TAFA4: variants seen among roughly 807,000 people sequenced by gnomAD.
TAFA4 encodes chemokine-like protein TAFA-4.
In TAFA4, 20 loss-of-function variants were observed where a neutral mutation model predicts 21.1. The observed-to-expected ratio is 0.95, with a 90% CI of 0.67 to 1.38. The LOEUF is 1.38. Ranked by LOEUF, TAFA4 falls within the 40% of genes most tolerant of loss-of-function variation. The probability of loss-of-function intolerance (pLI) is 0.00; values close to 1 mark genes in which losing one functional copy is unlikely to be tolerated. For missense variants in TAFA4, 211 were observed against 180.9 expected, an observed-to-expected ratio of 1.17 and a Z score of -0.95; for synonymous variants, 71 against 67.4, an observed-to-expected ratio of 1.05 and a Z score of -0.26.
chr3:68,739,194 T>A lies in TAFA4; in HGVS notation c.292A>T (p.Ile98Phe). 6.2e-7 allele frequency: 1 copy of A among 1,613,198 alleles called. No individual in the cohort carries two copies. Among genetic ancestry groups the A allele is most frequent in the Non-Finnish European group, 8.5e-7 (1 of 1,179,684 alleles). The change falls in exon 5 of 6, where the codon ATT becomes TTT. Residue 98 changes from isoleucine (I) to phenylalanine (F), a missense_variant. Physicochemically the swap from Ile to Phe is conservative, Grantham distance 21. Coordinates refer to ENST00000295569, the MANE Select transcript of TAFA4 (RefSeq NM_182522.5). The part of the protein sequence containing the change: ...RAQPSCVEAS[I>F]VIQKWWCHMN... ...TGACACCACCATTTCTGAATCACAA[T>A]GGAAGCTGGAAAACAAAGGCCAAAT...
intron 3 of TAFA4, among the ~76,000 whole-genome samples, chr3:68,851,763 T>C (rs1704956416): frequency 6.6e-6 from 1 of 152,012 alleles, no homozygotes; most frequent in Non-Finnish European, 1.5e-5. Flanking sequence ...CGGGAAAGAA[T>C]CAAAGGAAGA....
At chr3:68,811,038 C>T (rs533801522) in intron 3 of TAFA4, among the ~76,000 whole-genome samples, 8 of 152,304 alleles carry the variant, frequency 5.3e-5, no homozygotes, top group South Asian at 2.1e-4. Flanking sequence ...CTGCAGCCTC[C>T]GCTGCTGATA....
At chr3:68,877,956 T>C (rs2089571772) in intron 3 of TAFA4, among the ~76,000 whole-genome samples, 1 of 152,214 alleles carries the variant, frequency 6.6e-6, no homozygotes, top group African/African-American at 2.4e-5. Context: ...ATGGATATCA[T>C]TCCATTTTTA....
intron 3 of TAFA4, among the ~76,000 whole-genome samples, chr3:68,766,236 A>T (rs1351905205): frequency 2.6e-5 from 4 of 152,110 alleles, no homozygotes; most frequent in African/African-American, 9.7e-5. Flanking sequence ...TATATATGTG[A>T]GATCAAATAG....
chr3:68,736,865 G>C (rs139788673), intron 5 of TAFA4, among the ~76,000 whole-genome samples: 247 of 152,242 alleles, frequency 1.6e-3, no homozygotes, highest in African/African-American at 5.6e-3. Flanking sequence ...ATTCTCAAGT[G>C]ACATATCACT....
chr3:68,827,710 C>A (rs555353189), intron 3 of TAFA4, among the ~76,000 whole-genome samples: 1 of 152,138 alleles, frequency 6.6e-6, no homozygotes. Context: ...GTTCATATCC[C>A]TTGCCCACTT....
intron 4 of TAFA4, among the ~76,000 whole-genome samples, chr3:68,742,676 T>A (rs1344830618): frequency 1.2e-4 from 19 of 152,148 alleles, no homozygotes. Flanking sequence ...CTAAAGAACT[T>A]ACCCATGTAA....
At chr3:68,749,000 G>A (rs1194269865) in intron 4 of TAFA4, among the ~76,000 whole-genome samples, 2 of 152,156 alleles carry the variant, frequency 1.3e-5, no homozygotes, top group Non-Finnish European at 2.9e-5. Context: ...AAACAGACCT[G>A]TATATGCCAG....
intron 3 of TAFA4, among the ~76,000 whole-genome samples, chr3:68,795,100 G>A (rs1218705555): frequency 6.6e-6 from 1 of 151,228 alleles, no homozygotes; most frequent in African/African-American, 2.4e-5. Flanking sequence ...TTATATGCTT[G>A]TAAAATAAAG....
At chr3:68,875,809 C>T (rs4855533) in intron 3 of TAFA4, among the ~76,000 whole-genome samples, 104,545 of 151,914 alleles carry the variant, frequency 0.69, 36,550 homozygotes, top group East Asian at 0.98. Flanking sequence ...CAGAGAATAA[C>T]AGCATAAGCT....
intron 3 of TAFA4, among the ~76,000 whole-genome samples, chr3:68,813,757 T>C (rs1703896699): frequency 1.3e-5 from 2 of 152,138 alleles, no homozygotes; most frequent in Admixed American, 6.5e-5. Context: ...ACTGGTACCA[T>C]TCCTTCTGAA....
intron 3 of TAFA4, among the ~76,000 whole-genome samples, chr3:68,765,675 C>A (rs535073252): frequency 6.6e-6 from 1 of 152,084 alleles, no homozygotes; most frequent in Non-Finnish European, 1.5e-5. Flanking sequence ...TCCTAAGACC[C>A]CACTAAAACC....
intron 1 of TAFA4, among the ~76,000 whole-genome samples, chr3:68,901,961 A>C (rs548003424): frequency 1.3e-5 from 2 of 152,338 alleles, no homozygotes; most frequent in South Asian, 4.1e-4. Context: ...CAAATGAGGC[A>C]TGGTATAGTG....
intron 3 of TAFA4, among the ~76,000 whole-genome samples, chr3:68,779,228 G>A (rs905274750): frequency 6.6e-6 from 1 of 152,178 alleles, no homozygotes; most frequent in African/African-American, 2.4e-5. Context: ...TGACTTGGGT[G>A]TTCTTAAAGG....
intron 3 of TAFA4, among the ~76,000 whole-genome samples, chr3:68,856,033 A>G (rs1393126997): frequency 6.6e-6 from 1 of 152,070 alleles, no homozygotes; most frequent in East Asian, 1.9e-4. Flanking sequence ...AGAAAAGAAG[A>G]TTGAGTGTGG....
chr3:68,813,956 A>C (rs1314358009), intron 3 of TAFA4, among the ~76,000 whole-genome samples: 1 of 152,142 alleles, frequency 6.6e-6, no homozygotes, highest in Non-Finnish European at 1.5e-5. Flanking sequence ...CACATCAAAA[A>C]CCTTATCCAC....
chr3:68,835,577 G>T (rs1024696706), intron 3 of TAFA4, among the ~76,000 whole-genome samples: 1 of 152,282 alleles, frequency 6.6e-6, no homozygotes, highest in East Asian at 1.9e-4. Flanking sequence ...TAAACTAGTC[G>T]GGTTAGTTGC....
chr3:68,796,272 C>G (rs929359635), intron 3 of TAFA4, among the ~76,000 whole-genome samples: 1 of 152,122 alleles, frequency 6.6e-6, no homozygotes, highest in African/African-American at 2.4e-5. Context: ...TGTAGAATAA[C>G]AAACACCTGA....
intron 4 of TAFA4, among the ~76,000 whole-genome samples, chr3:68,744,267 C>A (rs58145975): frequency 6.6e-6 from 1 of 151,962 alleles, no homozygotes; most frequent in Non-Finnish European, 1.5e-5. Flanking sequence ...CCAGCAGACG[C>A]ATGTGGCTGA....
Sources: allele counts gnomAD v4.1 joint callset (sites outside exome capture counted in the v4.1 genomes callset), GRCh38; gene constraint gnomAD v4.1.1; transcripts MANE v1.5; gene names NCBI Gene and HGNC (gene_info 2026-07-23, HGNC 2026-07-21).